CRB1: variants seen among roughly 807,000 people sequenced by gnomAD.
CRB1 encodes protein crumbs homolog 1.
CRB1 carries 83 observed loss-of-function variants against 120.0 expected under a neutral mutation model. The ratio of observed to expected loss-of-function variants is 0.69; its 90% confidence interval spans 0.58 to 0.83. The LOEUF is 0.83. Among genes scored for constraint, CRB1 ranks in the 40% least tolerant of loss-of-function variants. CRB1 has a pLI of 0.00. For missense variants in CRB1, 1,699 were observed against 1,687.6 expected, an observed-to-expected ratio of 1.01 and a Z score of -0.12; for synonymous variants, 625 against 612.5, an observed-to-expected ratio of 1.02 and a Z score of -0.30.
intron 1 of CRB1, among the ~76,000 whole-genome samples, chr1:197,284,709 G>C (rs1299979015): frequency 6.6e-6 from 1 of 151,836 alleles, no homozygotes; most frequent in Non-Finnish European, 1.5e-5. Context: ...AAAATGCTCA[G>C]GATAGTGCCT....
intron 1 of CRB1, among the ~76,000 whole-genome samples, chr1:197,327,101 A>AAACAAAC (rs1553248932): frequency 5.0e-5 from 2 of 40,032 alleles, no homozygotes; most frequent in Non-Finnish European, 5.0e-5. Context: ...CAAAAAAAAA[A>AAACAAAC]AAAAAAAAAA....
At chr1:197,469,455 G>A (rs1168419526) in intron 11 of CRB1, among the ~76,000 whole-genome samples, 1 of 152,072 alleles carries the variant, frequency 6.6e-6, no homozygotes, top group Non-Finnish European at 1.5e-5. Flanking sequence ...AGAGAAATTA[G>A]AACAGAATTG....
chr1:197,434,828 A>C lies in CRB1; in HGVS notation c.2965A>C (p.Ile989Leu). The C allele has an allele frequency of 6.2e-7, 1 of 1,613,760 alleles. No homozygotes were observed. Among genetic ancestry groups the C allele is most frequent in the African/African-American group, 1.3e-5 (1 of 75,040 alleles). ...GFRTRDANVIILHAEKEPEFL... is the reference protein window; with the variant it reads ...GFRTRDANVILLHAEKEPEFL... ...CAGAACAAGGGATGCAAATGTAATA[A>C]TATTGCATGCAGAAAAAGAGCCTGA... The change falls in exon 9 of 12, where the codon ATA becomes CTA. Residue 989 changes from isoleucine to leucine, a missense_variant. Ile to Leu is a conservative substitution (Grantham distance 5, BLOSUM62 2). Transcript: ENST00000367400.
the CRB1 span, among the ~76,000 whole-genome samples, chr1:197,234,711 C>T: frequency 6.6e-6 from 1 of 152,180 alleles, no homozygotes; most frequent in Non-Finnish European, 1.5e-5. Context: ...ATAGAGAAGC[C>T]ATGTGGGCAA....
At chr1:197,430,998 T>C (rs936473002) in intron 8 of CRB1, among the ~76,000 whole-genome samples, 2 of 151,676 alleles carry the variant, frequency 1.3e-5, no homozygotes, top group African/African-American at 4.8e-5. Context: ...CCCAAGAATT[T>C]GAGTCTGCAG....
At chr1:197,305,236 C>T (rs1657094851) in intron 1 of CRB1, among the ~76,000 whole-genome samples, 1 of 152,030 alleles carries the variant, frequency 6.6e-6, no homozygotes. Context: ...ATTTAAGTTT[C>T]TTTCTATGTA....
At chr1:197,432,131 T>C (rs1664897261) in intron 8 of CRB1, among the ~76,000 whole-genome samples, 2 of 152,118 alleles carry the variant, frequency 1.3e-5, no homozygotes, top group Admixed American at 6.6e-5. Flanking sequence ...AAAGGTGAAG[T>C]ACAAAAGTGA....
the CRB1 span, among the ~76,000 whole-genome samples, chr1:197,218,619 G>A: frequency 1.1e-4 from 16 of 152,304 alleles, no homozygotes; most frequent in African/African-American, 3.8e-4. Flanking sequence ...AGGATGTTGT[G>A]TGGGCTGTGT....
chr1:197,402,677 T>C (rs1381751472), intron 5 of CRB1, among the ~76,000 whole-genome samples: 1 of 152,220 alleles, frequency 6.6e-6, no homozygotes, highest in African/African-American at 2.4e-5. Flanking sequence ...ATCTCTGGGA[T>C]AGTTTCTCAG....
At chr1:197,423,253 A>G (rs2125474794) in intron 6 of CRB1, among the ~76,000 whole-genome samples, 1 of 152,316 alleles carries the variant, frequency 6.6e-6, no homozygotes, top group East Asian at 1.9e-4. Flanking sequence ...TAGTAAATAG[A>G]TTCAAGAGAT....
At chr1:197,355,706 C>A (rs1037689364) in intron 4 of CRB1, among the ~76,000 whole-genome samples, 1 of 152,210 alleles carries the variant, frequency 6.6e-6, no homozygotes, top group African/African-American at 2.4e-5. Flanking sequence ...GCCGGCAAGC[C>A]CACGCCCACC....
At chr1:197,438,811 A>G (rs1665289622) in intron 10 of CRB1, 136 bp downstream of exon 10, 2 of 1,114,366 alleles carry the variant, frequency 1.8e-6, no homozygotes, top group Non-Finnish European at 2.6e-6. Flanking sequence ...GTTCAGACAG[A>G]ATGAAACAAT....
chr1:197,262,147 T>C, the CRB1 span, among the ~76,000 whole-genome samples: 1,095 of 152,282 alleles, frequency 7.2e-3, 10 homozygotes, highest in African/African-American at 0.024. Flanking sequence ...CAGGTGTACA[T>C]ATAATATACC....
At chr1:197,393,847 G>A (rs748736891) in intron 5 of CRB1, among the ~76,000 whole-genome samples, 2 of 151,854 alleles carry the variant, frequency 1.3e-5, no homozygotes, top group African/African-American at 2.4e-5. Context: ...AATATGTATC[G>A]AGAAAACAGA....
intron 1 of CRB1, among the ~76,000 whole-genome samples, chr1:197,291,144 T>A (rs1021970509): frequency 2.6e-5 from 4 of 151,830 alleles, no homozygotes; most frequent in African/African-American, 9.7e-5. Context: ...ATTTTAAAAC[T>A]TAATTAGTAA....
At chr1:197,275,745 A>C (rs1217660327) in intron 1 of CRB1, among the ~76,000 whole-genome samples, 1 of 151,966 alleles carries the variant, frequency 6.6e-6, no homozygotes, top group East Asian at 1.9e-4. Flanking sequence ...GTGAATGTTC[A>C]ATTTTTTAAC....
intron 5 of CRB1, chr1:197,413,992 T>C: frequency 2.2e-6 from 1 of 456,476 alleles, no homozygotes; most frequent in South Asian, 1.6e-5. Flanking sequence ...TTAATGGCAA[T>C]GCTCATAGGT....
chr1:197,392,736 C>T (rs1248113678), intron 5 of CRB1, among the ~76,000 whole-genome samples: 1 of 152,056 alleles, frequency 6.6e-6, no homozygotes, highest in African/African-American at 2.4e-5. Context: ...AAATACAACA[C>T]TAAAAATACT....
At chr1:197,366,555 T>C (rs1005912620) in intron 5 of CRB1, among the ~76,000 whole-genome samples, 2 of 152,148 alleles carry the variant, frequency 1.3e-5, no homozygotes, top group African/African-American at 4.8e-5. Context: ...TTTTATAATG[T>C]AAAAATGATA....
Sources: allele counts gnomAD v4.1 joint callset (sites outside exome capture counted in the v4.1 genomes callset), GRCh38; gene constraint gnomAD v4.1.1; transcripts MANE v1.5; gene names NCBI Gene and HGNC (gene_info 2026-07-23, HGNC 2026-07-21).